CTNNA2: variants seen among roughly 807,000 people sequenced by gnomAD.
The protein encoded by CTNNA2 is catenin alpha-2.
A neutral mutation model predicts 101.0 loss-of-function variants in CTNNA2; 42 were observed. The observed-to-expected ratio is 0.42, with a 90% CI of 0.32 to 0.54. The LOEUF (loss-of-function observed/expected upper bound fraction) is 0.54. Among genes scored for constraint, CTNNA2 ranks in the 20% least tolerant of loss-of-function variants. The pLI is 0.14. For missense variants in CTNNA2, 871 were observed against 1,223.1 expected (o/e 0.71, Z 4.29); for synonymous variants, 450 against 456.4 (o/e 0.99, Z 0.18).
chr2:80,618,064 A>G (rs543240628), intron 17 of CTNNA2, among the ~76,000 whole-genome samples: 14 of 151,944 alleles, frequency 9.2e-5, no homozygotes, highest in African/African-American at 3.4e-4. Flanking sequence ...TTTTGCCATA[A>G]TCAATAACTT....
chr2:79,947,302 C>T (rs976307057), intron 7 of CTNNA2, among the ~76,000 whole-genome samples: 3 of 152,112 alleles, frequency 2.0e-5, no homozygotes, highest in Admixed American at 2.0e-4. Flanking sequence ...GGATATATAA[C>T]ACATAGATGG....
intron 7 of CTNNA2, among the ~76,000 whole-genome samples, chr2:79,982,681 T>C (rs1184053276): frequency 6.6e-6 from 1 of 152,104 alleles, no homozygotes; most frequent in African/African-American, 2.4e-5. Flanking sequence ...CCTGGAGGCC[T>C]GTGACAGTAT....
chr2:79,466,539 C>T lies in CTNNA2; in HGVS notation c.-134-38515C>T, dbSNP rs1005387225. Among the ~76,000 whole-genome samples, 6 of 152,144 alleles carry T rather than the reference C, an allele frequency of 3.9e-5. No homozygotes were observed. The South Asian group carries it at 1.2e-3, about 31-fold the overall frequency. On this transcript the variant is annotated intron_variant, in intron 4 of 21. Transcript: ENST00000466387. The stretch of plus-strand genomic sequence containing the variant: ...AGCTTTGAAGAGAGTAGTGGTTCTC[C>T]CAGCACAAAGTTTGAGATCTGAGAA...
At chr2:80,069,511 G>A (rs1374135871) in intron 7 of CTNNA2, among the ~76,000 whole-genome samples, 6 of 152,066 alleles carry the variant, frequency 3.9e-5, no homozygotes, top group African/African-American at 9.7e-5. Flanking sequence ...TCCGCCATAC[G>A]ATTGAAAATG....
At chr2:79,920,427 G>A (rs1355980695) in intron 7 of CTNNA2, among the ~76,000 whole-genome samples, 1 of 152,152 alleles carries the variant, frequency 6.6e-6, no homozygotes, top group Non-Finnish European at 1.5e-5. Context: ...CCGTGAAGAG[G>A]GATGTTGTAT....
intron 7 of CTNNA2, among the ~76,000 whole-genome samples, chr2:80,240,309 A>G (rs1415035890): frequency 6.6e-6 from 1 of 152,254 alleles, no homozygotes; most frequent in Admixed American, 6.5e-5. Context: ...TAGAGAATAC[A>G]CAAAATAACT....
intron 7 of CTNNA2, among the ~76,000 whole-genome samples, chr2:79,927,109 G>T (rs1345484588): frequency 6.6e-6 from 1 of 152,130 alleles, no homozygotes; most frequent in Admixed American, 6.6e-5. Context: ...AGTGAAGCCT[G>T]CTTGATTAGA....
chr2:80,115,592 A>G (rs1441995247), intron 7 of CTNNA2, among the ~76,000 whole-genome samples: 1 of 152,114 alleles, frequency 6.6e-6, no homozygotes, highest in Non-Finnish European at 1.5e-5. Flanking sequence ...CGAGAGAGAG[A>G]GGGGGAGACG....
chr2:79,725,800 A>G (rs1686800819), intron 2 of CTNNA2, among the ~76,000 whole-genome samples: 1 of 152,150 alleles, frequency 6.6e-6, no homozygotes, highest in Admixed American at 6.5e-5. Context: ...TCCATAGATC[A>G]TTTATAATCC....
chr2:80,598,459 G>C (rs933048206), intron 15 of CTNNA2, among the ~76,000 whole-genome samples: 1 of 151,020 alleles, frequency 6.6e-6, no homozygotes, highest in African/African-American at 2.4e-5. Context: ...AGAACTTAAA[G>C]TATAAAAAAA....
intron 17 of CTNNA2, among the ~76,000 whole-genome samples, chr2:80,614,870 T>G (rs1237704102): frequency 6.6e-6 from 1 of 151,386 alleles, no homozygotes; most frequent in East Asian, 1.9e-4. Flanking sequence ...AGACCTTTAT[T>G]TAGAAATGGT....
chr2:80,103,771 G>A (rs1376734884), intron 7 of CTNNA2, among the ~76,000 whole-genome samples: 1 of 152,160 alleles, frequency 6.6e-6, no homozygotes, highest in African/African-American at 2.4e-5. Context: ...GTCTCACTCT[G>A]TTACCCAGGC....
At chr2:80,593,376 C>T (rs796294003) in intron 15 of CTNNA2, among the ~76,000 whole-genome samples, 94 of 151,420 alleles carry the variant, frequency 6.2e-4, no homozygotes, top group African/African-American at 2.2e-3. Context: ...TTGCTGTTGG[C>T]TATTTGTTTC....
chr2:80,601,142 C>T (rs190744510), intron 15 of CTNNA2, among the ~76,000 whole-genome samples: 16 of 152,246 alleles, frequency 1.1e-4, no homozygotes, highest in African/African-American at 3.9e-4. Context: ...AAATAATTCT[C>T]GTATGTATAA....
intron 3 of CTNNA2, among the ~76,000 whole-genome samples, chr2:79,318,079 T>A (rs12622069): frequency 0.26 from 39,050 of 151,910 alleles, 5,266 homozygotes; most frequent in Middle Eastern, 0.38. Context: ...ATATAGGGAC[T>A]TGAGATAATT....
At chr2:80,286,983 G>A (rs1674826085) in intron 7 of CTNNA2, among the ~76,000 whole-genome samples, 1 of 152,078 alleles carries the variant, frequency 6.6e-6, no homozygotes, top group African/African-American at 2.4e-5. Context: ...TATATAACAG[G>A]ACACAAAATA....
chr2:79,229,422 C>T lies in CTNNA2; in HGVS notation c.-406+31346C>T, dbSNP rs116761641. Among the ~76,000 whole-genome samples, 610 of 152,222 alleles carry T rather than the reference C, an allele frequency of 4.0e-3. 5 individuals carry two copies. The highest frequency in any genetic ancestry group is 0.013 in the African/African-American group (560 of 41,530). On this transcript the variant is annotated intron_variant, in intron 2 of 21. Coordinates refer to the CTNNA2 transcript ENST00000466387. ...ATCTGATGGGTTTATCAGGGGTTTC[C>T]GCTTTTGTTTCCTCCTCATTCTCTC...
intron 7 of CTNNA2, among the ~76,000 whole-genome samples, chr2:80,349,658 GA>G (rs1443900828): frequency 4.6e-5 from 7 of 151,746 alleles, no homozygotes; most frequent in Admixed American, 3.3e-4. Context: ...TATATCCCTA[GA>G]TTCTACCCTT....
chr2:80,489,645 A>G (rs1686879439), intron 9 of CTNNA2, among the ~76,000 whole-genome samples: 1 of 152,194 alleles, frequency 6.6e-6, no homozygotes, highest in Non-Finnish European at 1.5e-5. Flanking sequence ...ATGTGTTTTG[A>G]ATATTTTAAT....
Sources: allele counts gnomAD v4.1 joint callset (sites outside exome capture counted in the v4.1 genomes callset), GRCh38; gene constraint gnomAD v4.1.1; transcripts MANE v1.5; gene names NCBI Gene and HGNC (gene_info 2026-07-23, HGNC 2026-07-21).